The following PACS1 variants were observed in gnomAD, a reference collection of about 807,000 sequenced individuals.
The protein encoded by PACS1 is PACS-1.
In PACS1, 24 loss-of-function variants were observed where a neutral mutation model predicts 115.0. The observed-to-expected ratio is 0.21, with a 90% CI of 0.15 to 0.29. The LOEUF is 0.29. Ranked by LOEUF, PACS1 falls within the 10% of genes least tolerant of loss-of-function variation. PACS1 has a pLI of 1.00. For missense variants in PACS1, 838 were observed against 1,251.2 expected (o/e 0.67, Z 4.98); for synonymous variants, 453 against 504.5 (o/e 0.90, Z 1.37).
rs1855693465 is a variant in PACS1, at chr11:66,235,833, CA to C, written c.2208-63del. Reference sequence around the variant, plus strand: ...GCAGCCACAGTGAGATAGGAAAGGCCAATTCCCCAGCACTCCTCCCTGTCTC... The same window carrying C: ...GCAGCCACAGTGAGATAGGAAAGGCCATTCCCCAGCACTCCTCCCTGTCTC... On this transcript the variant is annotated intron_variant, in intron 18 of 23. Coordinates refer to ENST00000320580, the MANE Select transcript of PACS1 (RefSeq NM_018026.4). This position sits in a 1 kb window ranked among gnomAD's most constrained non-coding sequence, Gnocchi z 5.6. 1.0e-5 allele frequency: 14 copies of C among 1,389,650 alleles called. No homozygotes were observed. The highest frequency in any genetic ancestry group is 1.4e-5 in the Non-Finnish European group (14 of 975,442). 86.1% of individuals were successfully genotyped at this position (1,389,650 alleles called of 1,614,324 possible). A position where few individuals can be genotyped will look rare whatever the true frequency, so the allele number is the denominator to read the frequency against.
chr11:66,138,073 G>C (rs141258776), intron 1 of PACS1, among the ~76,000 whole-genome samples: 3 of 143,056 alleles, frequency 2.1e-5, no homozygotes, highest in Non-Finnish European at 4.5e-5. Context: ...GGTAGGCCAA[G>C]ATTTTGCCCC....
At chr11:66,193,972 A>C (rs1854589720) in intron 2 of PACS1, among the ~76,000 whole-genome samples, 1 of 151,756 alleles carries the variant, frequency 6.6e-6, no homozygotes, top group African/African-American at 2.4e-5. Flanking sequence ...GTTTTCTTTT[A>C]TTTTCTTTTG....
chr11:66,158,098 CTG>C (rs1859402012), intron 1 of PACS1, among the ~76,000 whole-genome samples: 1 of 152,272 alleles, frequency 6.6e-6, no homozygotes, highest in East Asian at 1.9e-4. Context: ...TCCCGAGTAA[CTG>C]AGACTACAGA....
At position 66,216,914 on chromosome 11, in the gene PACS1, A is replaced by C. The variant is rs1196530886; in HGVS notation, c.978+139A>C. 1.6e-5 allele frequency: 10 copies of C among 629,814 alleles called. 1 individual carries two copies. The highest frequency in any genetic ancestry group is 2.9e-5 in the Non-Finnish European group (10 of 345,558). The allele number at this position is 629,814 out of a possible 1,614,324, so 39.0% of individuals were successfully genotyped here. A position where few individuals can be genotyped will look rare whatever the true frequency, so the allele number is the denominator to read the frequency against. The stretch of plus-strand genomic sequence containing the variant: ...CTTCAACGATTCCAATGAACGCTCT[A>C]TATCCTCACCACCGCCCAATTAGAC... On this transcript the variant is annotated intron_variant, in intron 7 of 23. Transcript: ENST00000320580.
intron 11 of PACS1, among the ~76,000 whole-genome samples, chr11:66,228,217 G>A (rs1200085732): frequency 6.6e-6 from 1 of 152,050 alleles, no homozygotes; most frequent in Non-Finnish European, 1.5e-5. Flanking sequence ...GGCTTTGCAG[G>A]TTACGTCAAA....
intron 1 of PACS1, chr11:66,121,191 T>C: frequency 2.4e-6 from 1 of 416,022 alleles, no homozygotes; most frequent in Non-Finnish European, 4.9e-6. Context: ...TGATCAGTGG[T>C]CTTTGATGCT....
chr11:66,241,319 T>C (rs78471907), intron 21 of PACS1, 108 bp from the exon 22 acceptor site: 1 of 764,764 alleles, frequency 1.3e-6, no homozygotes, highest in South Asian at 1.8e-5. Context: ...AGCTGCAGCC[T>C]TCCTCAGCCT....
At chr11:66,226,996 T>C (rs1855481115) in intron 10 of PACS1, among the ~76,000 whole-genome samples, 1 of 152,230 alleles carries the variant, frequency 6.6e-6, no homozygotes, top group Non-Finnish European at 1.5e-5. Flanking sequence ...TAACATTGGG[T>C]GTCTTTCTGC....
Position 66,070,584 on chromosome 11 carries a change from C to CGCCGCAGCA in PACS1, c.101_109dup (p.Pro34_Gln36dup). 1 of 1,497,240 alleles carries CGCCGCAGCA rather than the reference C, an allele frequency of 6.7e-7. No individual in the cohort carries two copies. Among genetic ancestry groups the CGCCGCAGCA allele is most frequent in the Non-Finnish European group, 8.8e-7 (1 of 1,130,868 alleles). 92.7% of individuals were successfully genotyped at this position (1,497,240 alleles called of 1,614,324 possible). ...GTCGCCCAGTCCCCTCAGCAGCCGC[C>CGCCGCAGCA]GCCGCAGCAGCAGCAGCAGCAGCCG... On this transcript the variant is annotated inframe_insertion, in exon 1 of 24. Transcript: ENST00000320580. This position sits in a 1 kb window ranked among gnomAD's most constrained non-coding sequence, Gnocchi z 5.9.
intron 1 of PACS1, among the ~76,000 whole-genome samples, chr11:66,131,841 A>AT (rs753864371): frequency 9.2e-5 from 14 of 151,674 alleles, no homozygotes; most frequent in African/African-American, 2.7e-4. Context: ...CTCCAGTTTG[A>AT]TTTTTTCTCT....
chr11:66,156,203 A>ATT (rs1859349886), intron 1 of PACS1, among the ~76,000 whole-genome samples: 9 of 96,254 alleles, frequency 9.4e-5, no homozygotes, highest in South Asian at 4.9e-4. Flanking sequence ...CATTTTTTAA[A>ATT]TTATATATAT....
At chr11:66,191,702 T>C (rs911878030) in intron 1 of PACS1, among the ~76,000 whole-genome samples, 2 of 152,216 alleles carry the variant, frequency 1.3e-5, no homozygotes, top group African/African-American at 4.8e-5. Context: ...TTATTTGTTT[T>C]TCTTTGTGTT....
intron 1 of PACS1, among the ~76,000 whole-genome samples, chr11:66,181,403 G>A (rs138169838): frequency 0.017 from 2,619 of 151,430 alleles, 74 homozygotes; most frequent in African/African-American, 0.06. Flanking sequence ...CAGTAGAGAC[G>A]GGATTTCACC....
chr11:66,173,099 T>TG lies in PACS1; in HGVS notation c.357-20387_357-20386insG, dbSNP rs1403364886. Among the ~76,000 whole-genome samples, 4 of 150,932 alleles carry TG rather than the reference T, an allele frequency of 2.7e-5. No individual in the cohort carries two copies. In the East Asian group the frequency reaches 7.7e-4, roughly 29 times the overall value. On this transcript the variant is annotated intron_variant, in intron 1 of 23. Transcript: ENST00000320580. ...AATGTTTTTTGATTTTGGTTTTTTT[T>TG]TTTTGTTTTTTTTTGTAGAGACAGG...
intron 13 of PACS1, chr11:66,231,905 C>G: frequency 2.7e-6 from 1 of 375,806 alleles, no homozygotes; most frequent in Non-Finnish European, 4.9e-6. Flanking sequence ...TGCTGCACCT[C>G]CATCCTCTCC....
chr11:66,186,943 C>T (rs1854391027), intron 1 of PACS1, among the ~76,000 whole-genome samples: 1 of 152,200 alleles, frequency 6.6e-6, no homozygotes, highest in African/African-American at 2.4e-5. Context: ...CTGGCATCAC[C>T]ACATGTTGGT....
At chr11:66,107,254 T>C (rs1464894039) in intron 1 of PACS1, among the ~76,000 whole-genome samples, 1 of 152,156 alleles carries the variant, frequency 6.6e-6, no homozygotes, top group Non-Finnish European at 1.5e-5. Flanking sequence ...TCTGCCTTGG[T>C]CTCTGCACTG....
rs774462482 is a variant in PACS1, at chr11:66,216,682, T to C, written c.898-13T>C. On this transcript the variant is annotated splice_polypyrimidine_tract_variant and intron_variant, in intron 6 of 23. Transcript: ENST00000320580. ...GGGTTTCCCACCCTCATTCTGTCCCTGTACCCACTTAGGACTTGTTCTACG... is the reference window on the plus strand; with the variant it reads ...GGGTTTCCCACCCTCATTCTGTCCCCGTACCCACTTAGGACTTGTTCTACG... The C allele has an allele frequency of 1.2e-6, 2 of 1,613,206 alleles. No homozygotes were observed. The highest frequency in any genetic ancestry group is 8.5e-7 in the Non-Finnish European group (1 of 1,179,336).
chr11:66,241,367 G>A, intron 21 of PACS1, 60 bp from the exon 22 acceptor site: 3 of 1,324,146 alleles, frequency 2.3e-6, no homozygotes, highest in Non-Finnish European at 3.2e-6. Context: ...ACCCCATCAG[G>A]CCTATGTAGT....
Sources: allele counts gnomAD v4.1 joint callset (sites outside exome capture counted in the v4.1 genomes callset), GRCh38; gene constraint gnomAD v4.1.1; non-coding constraint Gnocchi (gnomAD v3.1); transcripts MANE v1.5; gene names NCBI Gene and HGNC (gene_info 2026-07-23, HGNC 2026-07-21).